The following TOX variants were observed in gnomAD, a reference collection of about 807,000 sequenced individuals.
The protein encoded by TOX is thymocyte selection associated high mobility group box, also known as thymocyte selection-associated high mobility group box protein TOX.
A neutral mutation model predicts 53.7 loss-of-function variants in TOX; 11 were observed. The ratio of observed to expected loss-of-function variants is 0.20; its 90% CI spans 0.13 to 0.34. The LOEUF is 0.34. TOX is among the 10% of genes least tolerant of loss of function. The pLI is 1.00. For synonymous variants in TOX, 225 were observed against 245.3 expected (o/e 0.92, Z 0.77); for missense variants, 570 against 664.6 (o/e 0.86, Z 1.56).
At chr8:58,922,421 C>A (rs1812089281) in intron 3 of TOX, among the ~76,000 whole-genome samples, 1 of 152,230 alleles carries the variant, frequency 6.6e-6, no homozygotes, top group Non-Finnish European at 1.5e-5. Context: ...CCTCCACCTG[C>A]TTCTATGGAA....
At chr8:58,903,065 G>C (rs79520409) in intron 3 of TOX, among the ~76,000 whole-genome samples, 1 of 152,104 alleles carries the variant, frequency 6.6e-6, no homozygotes, top group Non-Finnish European at 1.5e-5. Flanking sequence ...AAAAGTCTTC[G>C]AATGGAGCAT....
At chr8:58,993,823 A>G (rs1813501764) in intron 1 of TOX, among the ~76,000 whole-genome samples, 1 of 151,696 alleles carries the variant, frequency 6.6e-6, no homozygotes, top group Admixed American at 6.6e-5. Context: ...AGGTTCTGGC[A>G]ATTCCATCAT....
At chr8:58,974,439 G>T (rs1563406036) in intron 1 of TOX, among the ~76,000 whole-genome samples, 2 of 152,220 alleles carry the variant, frequency 1.3e-5, no homozygotes, top group African/African-American at 4.8e-5. Flanking sequence ...TCTAAATCCG[G>T]CAATAAGTCT....
intron 2 of TOX, among the ~76,000 whole-genome samples, chr8:58,958,121 A>G (rs1483414295): frequency 6.6e-6 from 1 of 152,192 alleles, no homozygotes; most frequent in Non-Finnish European, 1.5e-5. Flanking sequence ...AGCCTGCCCT[A>G]TCTTTATAAA....
chr8:58,807,890 C>T (rs932764859), intron 8 of TOX, 107 bp from the exon 9 acceptor site: 1 of 1,435,330 alleles, frequency 7.0e-7, no homozygotes, highest in African/African-American at 1.4e-5. Context: ...TTGAGCTGTT[C>T]ACTGGGAAAC....
intron 6 of TOX, among the ~76,000 whole-genome samples, 161 bp downstream of exon 6, chr8:58,826,661 A>G (rs938816028): frequency 2.6e-5 from 4 of 152,240 alleles, no homozygotes; most frequent in Non-Finnish European, 5.9e-5. Flanking sequence ...GAGCTGAACG[A>G]ATATTTCCAT....
intron 3 of TOX, among the ~76,000 whole-genome samples, chr8:58,929,225 A>G (rs1812218370): frequency 6.6e-6 from 1 of 152,098 alleles, no homozygotes; most frequent in Non-Finnish European, 1.5e-5. Flanking sequence ...TAGTTGAAAG[A>G]AAAAAAGACA....
chr8:58,833,211 TTACAGCCCGACTGTG>T (rs536872999), intron 5 of TOX, among the ~76,000 whole-genome samples: 28 of 152,236 alleles, frequency 1.8e-4, no homozygotes, highest in Non-Finnish European at 3.4e-4. Context: ...GCTAAATGTC[TTACAGCCCGACTGTG>T]TCTCCAATTA....
At chr8:58,998,468 G>T (rs890620552) in intron 1 of TOX, among the ~76,000 whole-genome samples, 3 of 111,132 alleles carry the variant, frequency 2.7e-5, no homozygotes, top group South Asian at 5.7e-4. Context: ...CAGCCTAGGT[G>T]ATAGAGCCAG....
At chr8:58,848,661 C>T (rs1034342106) in intron 4 of TOX, among the ~76,000 whole-genome samples, 1 of 152,054 alleles carries the variant, frequency 6.6e-6, no homozygotes, top group Admixed American at 6.6e-5. Context: ...GAACCACAAG[C>T]TGCCTAAGTT....
At chr8:59,028,546 G>A (rs1814287007) in intron 1 of TOX, among the ~76,000 whole-genome samples, 1 of 151,856 alleles carries the variant, frequency 6.6e-6, no homozygotes, top group Non-Finnish European at 1.5e-5. Flanking sequence ...TAGATATTTA[G>A]ATAGATAGAT....
chr8:59,011,410 C>G (rs977823542), intron 1 of TOX, among the ~76,000 whole-genome samples: 1 of 152,202 alleles, frequency 6.6e-6, no homozygotes, highest in African/African-American at 2.4e-5. Flanking sequence ...ACTCTCTAAC[C>G]GAAAAGCTCT....
intron 3 of TOX, among the ~76,000 whole-genome samples, chr8:58,903,724 C>T (rs1281054741): frequency 6.6e-6 from 1 of 152,158 alleles, no homozygotes; most frequent in Admixed American, 6.5e-5. Context: ...AGGGATCCCC[C>T]TAGTCTTGCA....
At chr8:58,902,223 A>G (rs1811744333) in intron 3 of TOX, among the ~76,000 whole-genome samples, 1 of 152,168 alleles carries the variant, frequency 6.6e-6, no homozygotes, top group Non-Finnish European at 1.5e-5. Context: ...CAAAAGTTAC[A>G]GCCTTTATCT....
intron 1 of TOX, among the ~76,000 whole-genome samples, chr8:59,041,397 T>G (rs79845975): frequency 3.1e-3 from 479 of 152,274 alleles, no homozygotes; most frequent in Non-Finnish European, 4.5e-3. Flanking sequence ...TGATGCTGTT[T>G]ACCATTTTTC....
chr8:58,811,170 C>A (rs1312188039), intron 7 of TOX, among the ~76,000 whole-genome samples: 1 of 152,130 alleles, frequency 6.6e-6, no homozygotes, highest in African/African-American at 2.4e-5. Context: ...ATGTAGCACT[C>A]AGTAAATATT....
intron 3 of TOX, among the ~76,000 whole-genome samples, chr8:58,909,180 G>T (rs1160013795): frequency 1.3e-5 from 2 of 152,104 alleles, no homozygotes; most frequent in Admixed American, 6.5e-5. Flanking sequence ...GGAGCCCAGG[G>T]CATTTTGCCT....
In TOX at chr8:58,950,260, A is replaced by G. The variant is rs538983890; in HGVS notation, c.168+9683T>C. ...ATAGTTCATATATACATATAAAAATACATGCTGTACGTGTCTATTTATGGC... is the reference window on the plus strand; with the variant it reads ...ATAGTTCATATATACATATAAAAATGCATGCTGTACGTGTCTATTTATGGC... On this transcript the variant is annotated intron_variant, in intron 2 of 8. Coordinates refer to ENST00000361421, the MANE Select transcript of TOX (RefSeq NM_014729.3). 2.6e-5 allele frequency among the ~76,000 whole-genome samples: 4 copies of G among 152,312 alleles called. No homozygotes were observed. The East Asian group carries it at 7.7e-4, about 29-fold the overall frequency.
intron 1 of TOX, among the ~76,000 whole-genome samples, chr8:59,011,315 G>A (rs77206554): frequency 2.0e-5 from 3 of 152,132 alleles, no homozygotes; most frequent in South Asian, 2.1e-4. Context: ...TAAGCACAAT[G>A]AGCAGCTTTT....
Sources: gnomAD v4.1 joint callset for allele counts (sites outside exome capture counted in the v4.1 genomes callset) on GRCh38, gnomAD v4.1.1 for gene constraint, MANE v1.5 for transcripts, NCBI Gene and HGNC (gene_info 2026-07-23, HGNC 2026-07-21) for gene names.